LHFPL3: variants seen among roughly 807,000 people sequenced by gnomAD.
LHFPL3 encodes the protein LHFPL tetraspan subfamily member 3.
Under a neutral mutation model 19.3 loss-of-function variants are expected in LHFPL3, and 5 were observed. That is an observed-to-expected ratio of 0.26 (90% CI 0.14 to 0.54). The LOEUF is 0.54. Ranked by LOEUF, LHFPL3 falls within the 20% of genes least tolerant of loss-of-function variation. The pLI, the probability that LHFPL3 is intolerant of heterozygous loss-of-function variation, is 0.94. For synonymous variants in LHFPL3, 133 were observed against 126.2 expected (o/e 1.05, Z -0.36); for missense variants, 249 against 307.4 (o/e 0.81, Z 1.42).
chr7:104,554,664 T>C (rs1454050422), intron 1 of LHFPL3, among the ~76,000 whole-genome samples: 1 of 150,738 alleles, frequency 6.6e-6, no homozygotes, highest in Admixed American at 6.6e-5. Context: ...GATAGATAGA[T>C]AGATAGATAG....
At chr7:104,831,521 C>T (rs1242022261) in intron 2 of LHFPL3, among the ~76,000 whole-genome samples, 1 of 151,886 alleles carries the variant, frequency 6.6e-6, no homozygotes. Context: ...TTGCTCATTT[C>T]CATGGTGGGC....
intron 1 of LHFPL3, among the ~76,000 whole-genome samples, chr7:104,425,955 T>C (rs924218530): frequency 1.3e-5 from 2 of 152,222 alleles, no homozygotes; most frequent in Non-Finnish European, 2.9e-5. Context: ...ACATAGAATC[T>C]AAATTTCAGG....
At chr7:104,829,835 G>A (rs895813103) in intron 2 of LHFPL3, among the ~76,000 whole-genome samples, 4 of 151,792 alleles carry the variant, frequency 2.6e-5, no homozygotes, top group Admixed American at 2.0e-4. Flanking sequence ...TAATCCTTTG[G>A]GTATATACCC....
intron 2 of LHFPL3, among the ~76,000 whole-genome samples, chr7:104,874,978 T>A (rs1214148912): frequency 6.6e-6 from 1 of 151,760 alleles, no homozygotes; most frequent in Non-Finnish European, 1.5e-5. Context: ...TTCTGAGTAG[T>A]TAGGACTACA....
intron 2 of LHFPL3, among the ~76,000 whole-genome samples, chr7:104,874,439 G>C (rs2116666737): frequency 6.9e-6 from 1 of 144,972 alleles, no homozygotes; most frequent in East Asian, 2.1e-4. Context: ...CTGTCACCCA[G>C]ACTGGAGTGC....
chr7:104,743,594 A>G (rs1217165174), intron 2 of LHFPL3, among the ~76,000 whole-genome samples: 2 of 152,238 alleles, frequency 1.3e-5, no homozygotes, highest in African/African-American at 2.4e-5. Flanking sequence ...ATATCTACAT[A>G]GGCTTTATTT....
intron 1 of LHFPL3, among the ~76,000 whole-genome samples, chr7:104,493,453 C>T (rs373672331): frequency 1.3e-5 from 2 of 151,928 alleles, no homozygotes. Flanking sequence ...CTCATCCTCT[C>T]TCCTTTACAG....
At chr7:104,736,453 T>G (rs1793821426) in intron 1 of LHFPL3, among the ~76,000 whole-genome samples, 1 of 152,096 alleles carries the variant, frequency 6.6e-6, no homozygotes, top group Non-Finnish European at 1.5e-5. Flanking sequence ...CAATGTAGAG[T>G]GCTGGGCTGC....
intron 1 of LHFPL3, among the ~76,000 whole-genome samples, chr7:104,675,137 T>A (rs4620217): frequency 6.6e-6 from 1 of 152,230 alleles, no homozygotes; most frequent in Non-Finnish European, 1.5e-5. Flanking sequence ...GGAATCTCCA[T>A]GGTGGGAGGC....
At chr7:104,555,810 C>T (rs1247644897) in intron 1 of LHFPL3, among the ~76,000 whole-genome samples, 2 of 152,186 alleles carry the variant, frequency 1.3e-5, no homozygotes, top group African/African-American at 4.8e-5. Flanking sequence ...AAGTCCCTTC[C>T]ACCTATGAGC....
chr7:104,492,646 A>C (rs1793380475), intron 1 of LHFPL3, among the ~76,000 whole-genome samples: 2 of 152,240 alleles, frequency 1.3e-5, no homozygotes. Flanking sequence ...TTTTATGTAA[A>C]TTTTATGAAA....
chr7:104,765,293 A>G (rs1288182752), intron 2 of LHFPL3, among the ~76,000 whole-genome samples: 3 of 152,252 alleles, frequency 2.0e-5, no homozygotes, highest in Non-Finnish European at 4.4e-5. Context: ...GAGCTGATAA[A>G]ACACATCTGA....
intron 2 of LHFPL3, among the ~76,000 whole-genome samples, chr7:104,794,541 G>A (rs888752754): frequency 6.6e-6 from 1 of 152,200 alleles, no homozygotes; most frequent in African/African-American, 2.4e-5. Flanking sequence ...CTAGTGATGT[G>A]TGCGATCACA....
At chr7:104,369,777 T>A (rs1418372466) in intron 1 of LHFPL3, among the ~76,000 whole-genome samples, 1 of 152,212 alleles carries the variant, frequency 6.6e-6, no homozygotes, top group African/African-American at 2.4e-5. Context: ...CCTAAGTGAA[T>A]AATGATGTTG....
At chr7:104,666,634 G>A (rs1792357418) in intron 1 of LHFPL3, among the ~76,000 whole-genome samples, 1 of 137,580 alleles carries the variant, frequency 7.3e-6, no homozygotes, top group Admixed American at 8.0e-5. Context: ...CCATTCTCCT[G>A]CCTCAGCCTC....
chr7:104,807,339 T>G (rs981981018), intron 2 of LHFPL3, among the ~76,000 whole-genome samples: 9 of 152,058 alleles, frequency 5.9e-5, no homozygotes, highest in Non-Finnish European at 1.0e-4. Context: ...ATGGAAGAGA[T>G]TCTTCCTCAC....
intron 2 of LHFPL3, among the ~76,000 whole-genome samples, chr7:104,901,630 C>T (rs541688589): frequency 6.0e-4 from 91 of 152,144 alleles, no homozygotes; most frequent in Non-Finnish European, 9.7e-4. Context: ...TGCAGTGGTG[C>T]GTTCATGGCT....
At chr7:104,859,192 A>G (rs540847559) in intron 2 of LHFPL3, among the ~76,000 whole-genome samples, 32 of 151,460 alleles carry the variant, frequency 2.1e-4, no homozygotes, top group Non-Finnish European at 4.4e-4. Context: ...ACTTGAACCC[A>G]GGAAGTGGAG....
chr7:104,764,644 T>C (rs1396586804), intron 2 of LHFPL3, among the ~76,000 whole-genome samples: 3 of 152,248 alleles, frequency 2.0e-5, no homozygotes, highest in Non-Finnish European at 4.4e-5. Context: ...CTGCGCCTTA[T>C]ACAGTTTACA....
Sources: gnomAD v4.1 joint callset for allele counts (sites outside exome capture counted in the v4.1 genomes callset) on GRCh38, gnomAD v4.1.1 for gene constraint, MANE v1.5 for transcripts, NCBI Gene and HGNC (gene_info 2026-07-23, HGNC 2026-07-21) for gene names.